The following LBHD1 variants were observed in gnomAD, a reference collection of about 807,000 sequenced individuals.
LBHD1 encodes LBH domain-containing protein 1.
LBHD1 carries 28 observed loss-of-function variants against 31.1 expected under a neutral mutation model. The ratio of observed to expected loss-of-function variants is 0.90; its 90% CI spans 0.67 to 1.24. The LOEUF is 1.24. LBHD1 is among the 50% of genes most tolerant of loss of function. The probability of loss-of-function intolerance (pLI) is 0.00; values close to 1 mark genes in which losing one functional copy is unlikely to be tolerated. For synonymous variants in LBHD1, 105 were observed against 116.5 expected, an observed-to-expected ratio of 0.90 and a Z score of 0.63; for missense variants, 350 against 323.0, an observed-to-expected ratio of 1.08 and a Z score of -0.64.
intron 4 of LBHD1, chr11:62,666,348 T>C (rs1554979411): frequency 6.3e-7 from 1 of 1,594,038 alleles, no homozygotes; most frequent in Non-Finnish European, 8.5e-7. Context: ...TACGACGTTT[T>C]TGCAGTGGCG....
intron 3 of LBHD1, chr11:62,669,433 A>G (rs1944899325): frequency 3.0e-6 from 3 of 985,232 alleles, no homozygotes; most frequent in Non-Finnish European, 3.6e-6. Flanking sequence ...AGTACAGATT[A>G]AAGGATGGCA....
rs778544086 is a variant in LBHD1 at position 62,672,111 on chromosome 11, G to A, written c.-558C>T. The A allele has an allele frequency of 6.4e-7, 1 of 1,573,712 alleles. No homozygotes were observed. Among genetic ancestry groups the A allele is most frequent in the African/African-American group, 1.3e-5 (1 of 74,366 alleles). On this transcript the variant is annotated 5_prime_UTR_variant, in exon 1 of 7. In the 5' UTR this introduces an upstream ATG that the reference lacks. Coordinates refer to ENST00000354588, the MANE Select transcript of LBHD1 (RefSeq NM_024099.5). ...AAGGCGGCGCCGGCGGGAGGTCACC[G>A]TGAGACCGGACTTGCCTCCGTGGGC... is the stretch of plus-strand genomic sequence containing the variant.
At position 62,671,494 on chromosome 11, in the gene LBHD1, G is replaced by A. The variant is rs1212016927; in HGVS notation, c.-11+70C>T. Reference sequence around the variant, plus strand: ...CCTAGCAATCCCACCCCGGAATTGAGGACACAGGGTCCCCGCGCTCAGCCC... The same window carrying A: ...CCTAGCAATCCCACCCCGGAATTGAAGACACAGGGTCCCCGCGCTCAGCCC... On this transcript the variant is annotated intron_variant, in intron 1 of 6. Transcript: ENST00000354588. 20 of 1,373,624 alleles carry A rather than the reference G, an allele frequency of 1.5e-5. No individual in the cohort carries two copies. The South Asian group carries it at 1.7e-4, about 11-fold the overall frequency. The allele number at this position is 1,373,624 out of a possible 1,614,324, so 85.1% of individuals were successfully genotyped here. A position where few individuals can be genotyped will look rare whatever the true frequency, so the allele number is the denominator to read the frequency against.
chr11:62,664,763 C>T lies in LBHD1; in HGVS notation c.663+86G>A, dbSNP rs1011872844. ...CATAAGCGTCAGTGCACAAGGTGAGCTGAGAGGTGAAGCTGCTCCGGAGCT... is the reference window on the plus strand; with the variant it reads ...CATAAGCGTCAGTGCACAAGGTGAGTTGAGAGGTGAAGCTGCTCCGGAGCT... On this transcript the variant is annotated intron_variant, in intron 5 of 6. Coordinates refer to ENST00000354588, the MANE Select transcript of LBHD1 (RefSeq NM_024099.5). 6.7e-6 allele frequency: 10 copies of T among 1,499,470 alleles called. No individual in the cohort carries two copies. The East Asian group carries it at 7.4e-5, about 11-fold the overall frequency. 92.9% of individuals were successfully genotyped at this position (1,499,470 alleles called of 1,614,324 possible).
Position 62,670,020 on chromosome 11 carries a change from C to A in LBHD1, c.12G>T (p.Val4=). 1 of 1,611,302 alleles carries A rather than the reference C, an allele frequency of 6.2e-7. No individual in the cohort carries two copies. MAL[V]PGRSKEDGLW... is the part of the protein sequence containing the mutation. ...GCCCATCCTCCTTGCTTCTCCCTGGCACAAGGGCCATGGTGGTGATTCTTA... is the reference window on the plus strand; with the variant it reads ...GCCCATCCTCCTTGCTTCTCCCTGGAACAAGGGCCATGGTGGTGATTCTTA... The change falls in exon 2 of 7, where the codon GTG becomes GTT. Residue 4 remains valine (V), a synonymous_variant. Coordinates refer to ENST00000354588, the MANE Select transcript of LBHD1 (RefSeq NM_024099.5).
At chr11:62,666,878 T>C in intron 4 of LBHD1, 2 of 1,614,196 alleles carry the variant, frequency 1.2e-6, no homozygotes, top group Non-Finnish European at 1.7e-6. Flanking sequence ...TCTATCAGAA[T>C]GCTTGAGGGT....
At chr11:62,665,896 G>T (rs1394995126) in intron 4 of LBHD1, 1 of 1,613,308 alleles carries the variant, frequency 6.2e-7, no homozygotes, top group African/African-American at 1.3e-5. Flanking sequence ...GCGCTGCGTC[G>T]AATGCTCCAC....
intron 1 of LBHD1, 197 bp from the exon 2 acceptor site, chr11:62,670,238 G>A: frequency 1.7e-6 from 1 of 596,932 alleles, no homozygotes; most frequent in Non-Finnish European, 2.8e-6. Context: ...GGAGACACTG[G>A]GATGGCAACA....
At chr11:62,666,057 C>G in intron 4 of LBHD1, 1 of 1,258,214 alleles carries the variant, frequency 7.9e-7, no homozygotes, top group Non-Finnish European at 1.1e-6. Flanking sequence ...ATTCTCAAAC[C>G]CTACGGTGGG....
intron 4 of LBHD1, chr11:62,665,863 C>T: frequency 1.2e-6 from 2 of 1,612,218 alleles, no homozygotes; most frequent in Non-Finnish European, 8.5e-7. Context: ...TCTGGTCGAA[C>T]TTACCCGAAT....
intron 1 of LBHD1, 125 bp downstream of exon 1, chr11:62,671,439 C>T (rs1944940320): frequency 6.2e-6 from 8 of 1,292,220 alleles, no homozygotes; most frequent in Non-Finnish European, 8.0e-6. Context: ...TCATAAAACC[C>T]ACGGCAACCA....
intron 1 of LBHD1, chr11:62,670,592 C>G (rs1324432389): frequency 2.0e-5 from 3 of 153,612 alleles, no homozygotes; most frequent in African/African-American, 7.2e-5. Flanking sequence ...ACGAATCCAG[C>G]CTTTTAGTGG....
At chr11:62,666,050 C>A in intron 4 of LBHD1, 2 of 1,313,474 alleles carry the variant, frequency 1.5e-6, no homozygotes, top group Non-Finnish European at 2.1e-6. Flanking sequence ...AATTGTGATT[C>A]TCAAACCCTA....
chr11:62,670,800 A>T (rs548585222), intron 1 of LBHD1: 1 of 153,298 alleles, frequency 6.5e-6, no homozygotes, highest in Non-Finnish European at 1.5e-5. Context: ...AGTCCCAGCT[A>T]CTCGGGAGGC....
Position 62,664,911 on chromosome 11 carries a change from G to A in LBHD1, c.601C>T (p.Pro201Ser), listed in dbSNP as rs768715747. ...GVESGAASEAPGGRGCDRPRA... is the reference protein window; with the variant it reads ...GVESGAASEASGGRGCDRPRA... ...GGTCTATCACAGCCCCGACCACCCG[G>A]TGCCTCAGACGCCGCTCCCGATTCA... is the stretch of plus-strand genomic sequence containing the variant. The change falls in exon 5 of 7, where the codon CCG (proline) becomes TCG (serine). Residue 201 changes from proline (P) to serine (S), a missense_variant. Pro to Ser is a moderately conservative substitution (Grantham distance 74, BLOSUM62 -1). Coordinates refer to ENST00000354588, the MANE Select transcript of LBHD1 (RefSeq NM_024099.5). 29 of 1,601,092 alleles carry A rather than the reference G, an allele frequency of 1.8e-5. No homozygotes were observed. The Middle Eastern group carries it at 5.0e-4, about 27-fold the overall frequency.
In LBHD1 at chr11:62,664,927, T is replaced by C; in HGVS notation, c.585A>G (p.Gly195=). The change falls in exon 5 of 7, where the codon GGA becomes GGG. Residue 195 remains glycine (G), a synonymous_variant. Coordinates refer to ENST00000354588, the MANE Select transcript of LBHD1 (RefSeq NM_024099.5). ...AVQTPAGVES[G]AASEAPGGRG... The stretch of plus-strand genomic sequence containing the variant: ...GACCACCCGGTGCCTCAGACGCCGC[T>C]CCCGATTCAACACCCGCCGGCGTTT... The C allele has an allele frequency of 6.8e-6, 11 of 1,606,152 alleles. No individual in the cohort carries two copies. The highest frequency in any genetic ancestry group is 9.3e-6 in the Non-Finnish European group (11 of 1,176,704).
intron 4 of LBHD1, chr11:62,666,914 C>G (rs1323343104): frequency 6.2e-7 from 1 of 1,613,854 alleles, no homozygotes; most frequent in East Asian, 2.2e-5. Context: ...GACCCTGATT[C>G]AGTTCTCAGA....
intron 4 of LBHD1, chr11:62,666,755 G>T (rs76078023): frequency 1.2e-6 from 2 of 1,614,164 alleles, no homozygotes; most frequent in Non-Finnish European, 8.5e-7. Context: ...CTTCATGCAC[G>T]CCGATGCTCA....
intron 5 of LBHD1, among the ~76,000 whole-genome samples, chr11:62,663,936 A>G (rs1387896610): frequency 5.1e-4 from 77 of 150,980 alleles, no homozygotes; most frequent in African/African-American, 1.7e-3. Flanking sequence ...AGCCGGGTGC[A>G]GTGGGGAGCA....
Sources: gnomAD v4.1 joint callset for allele counts (sites outside exome capture counted in the v4.1 genomes callset) on GRCh38, gnomAD v4.1.1 for gene constraint, MANE v1.5 for transcripts, NCBI Gene and HGNC (gene_info 2026-07-23, HGNC 2026-07-21) for gene names.